The following ZSWIM4 variants were observed in gnomAD, a reference collection of about 807,000 sequenced individuals.
ZSWIM4 encodes zinc finger SWIM-type containing 4.
ZSWIM4 carries 62 observed loss-of-function variants against 102.5 expected under a neutral mutation model. The ratio of observed to expected loss-of-function variants is 0.60; its 90% confidence interval spans 0.49 to 0.75. ZSWIM4 has a LOEUF of 0.75. ZSWIM4 is among the 30% of genes least tolerant of loss of function. The probability of loss-of-function intolerance (pLI) is 0.00; values close to 1 mark genes in which losing one functional copy is unlikely to be tolerated. For synonymous variants in ZSWIM4, 652 were observed against 674.5 expected, an observed-to-expected ratio of 0.97 and a Z score of 0.52; for missense variants, 1,280 against 1,529.6, an observed-to-expected ratio of 0.84 and a Z score of 2.72.
At chr19:13,811,705 A>C (rs112355758) in intron 5 of ZSWIM4, among the ~76,000 whole-genome samples, 2,792 of 152,158 alleles carry the variant, frequency 0.018, 86 homozygotes, top group African/African-American at 0.064. Flanking sequence ...ATAGATACTT[A>C]CTAATTTATT....
chr19:13,803,735 G>A (rs1160078891), intron 2 of ZSWIM4, among the ~76,000 whole-genome samples: 1 of 147,828 alleles, frequency 6.8e-6, no homozygotes, highest in Non-Finnish European at 1.5e-5. Flanking sequence ...AACCCAGGAG[G>A]CGGAGGTTGC....
chr19:13,817,962 G>A lies in ZSWIM4; in HGVS notation c.1910G>A (p.Gly637Glu). The A allele has an allele frequency of 6.6e-7, 1 of 1,513,374 alleles. No individual in the cohort carries two copies. Among genetic ancestry groups the A allele is most frequent in the Non-Finnish European group, 8.9e-7 (1 of 1,126,890 alleles). The allele number at this position is 1,513,374 out of a possible 1,614,324, so 93.7% of individuals were successfully genotyped here. The change falls in exon 9 of 14, where the codon GGG becomes GAG. Residue 637 changes from glycine to glutamate, a missense_variant. By Grantham distance (98) the Gly-to-Glu change is moderately conservative. Transcript: ENST00000590508. ...GTGCAGGTGCTGCGCAAGCAGGCGG[G>A]GCTGCTGCTGGAAGGTGAGGCCGCG... ...RLVQVLRKQA[G>E]LLLEGGPFSG...
intron 9 of ZSWIM4, among the ~76,000 whole-genome samples, chr19:13,818,995 T>C (rs1975384993): frequency 6.6e-6 from 1 of 152,046 alleles, no homozygotes; most frequent in Non-Finnish European, 1.5e-5. Flanking sequence ...CCCGAGTAGC[T>C]GGGACTACTT....
At position 13,809,561 on chromosome 19, in the gene ZSWIM4, C is replaced by T. The variant is rs535805019; in HGVS notation, c.1012+341C>T. Among the ~76,000 whole-genome samples the T allele has an allele frequency of 6.6e-6, 1 of 152,262 alleles. No individual in the cohort carries two copies. The highest frequency in any genetic ancestry group is 1.9e-4 in the East Asian group (1 of 5,184). The stretch of plus-strand genomic sequence containing the variant: ...GCAGTGGCACAATCTCGGCTGACTG[C>T]AACCTCTGCCTCCCGGACTCAAGTG... On this transcript the variant is annotated intron_variant, in intron 5 of 13. Transcript: ENST00000590508. The surrounding 1 kb of genome is among the most constrained non-coding windows in gnomAD (Gnocchi z 4.2).
Position 13,817,422 on chromosome 19 carries a change from G to A in ZSWIM4, c.1669+69G>A, listed in dbSNP as rs1975323142. On this transcript the variant is annotated intron_variant, in intron 8 of 13. Coordinates refer to ENST00000590508, the MANE Select transcript of ZSWIM4 (RefSeq NM_001367834.3). Reference sequence around the variant, plus strand: ...CTCGTTGGCCACGCCCCCTGGCCCAGTACCCCTATAAGGTAACTCCCAGAC... The same window carrying A: ...CTCGTTGGCCACGCCCCCTGGCCCAATACCCCTATAAGGTAACTCCCAGAC... 5.1e-6 allele frequency: 8 copies of A among 1,558,386 alleles called. No homozygotes were observed. In the South Asian group the frequency reaches 9.6e-5, roughly 19 times the overall value.
intron 3 of ZSWIM4, among the ~76,000 whole-genome samples, chr19:13,807,709 GGATGGATGCATGGATGGATGGACA>G (rs1194311271): frequency 6.6e-6 from 1 of 150,562 alleles, no homozygotes; most frequent in Non-Finnish European, 1.5e-5. Context: ...TGGACAAGAT[GGATGGATGCATGGATGGATGGACA>G]GATGGATGCA....
At chr19:13,818,066 C>G in intron 9 of ZSWIM4, 90 bp downstream of exon 9, 1 of 1,421,254 alleles carries the variant, frequency 7.0e-7, no homozygotes, top group Non-Finnish European at 9.2e-7. Context: ...AGATGGGAGG[C>G]CCCGCCCCAG....
In ZSWIM4 at chr19:13,799,743, G is replaced by A. The variant is rs1433943383; in HGVS notation, c.177G>A (p.Val59=). The A allele has an allele frequency of 6.2e-7, 1 of 1,614,018 alleles. No individual in the cohort carries two copies. The highest frequency in any genetic ancestry group is 1.7e-5 in the Admixed American group (1 of 60,016). Residue 59 remains valine, a synonymous_variant, in exon 2 of 14, where the codon GTG becomes GTA. Transcript: ENST00000590508. The part of the protein sequence containing the change: ...FEQVEERFSR[V]PEPVQKRIVF... ...AGGTGGAGGAGCGGTTCTCCCGGGT[G>A]CCTGAGCCCGTCCAGAAGCGCATCG...
At chr19:13,800,302 T>A (rs1437806357) in intron 2 of ZSWIM4, among the ~76,000 whole-genome samples, 1 of 127,478 alleles carries the variant, frequency 7.8e-6, no homozygotes, top group Non-Finnish European at 1.6e-5. Context: ...GTCTCGCTTT[T>A]TCGCCCAGGC....
At position 13,814,045 on chromosome 19, in the gene ZSWIM4, A is replaced by T. The variant is rs1975191073; in HGVS notation, c.1181-470A>T. 4.6e-5 allele frequency among the ~76,000 whole-genome samples: 7 copies of T among 151,280 alleles called. No individual in the cohort carries two copies. In the Admixed American group the frequency reaches 4.6e-4, roughly 10 times the overall value. Reference sequence around the variant, plus strand: ...TGTGATGGGCCTGTACTAGCTCCTAACACATACACGCATCCTTTTTTTTTT... The same window carrying T: ...TGTGATGGGCCTGTACTAGCTCCTATCACATACACGCATCCTTTTTTTTTT... On this transcript the variant is annotated intron_variant, in intron 6 of 13. Coordinates refer to ENST00000590508, the MANE Select transcript of ZSWIM4 (RefSeq NM_001367834.3).
At chr19:13,805,520 G>T (rs572262660) in intron 3 of ZSWIM4, among the ~76,000 whole-genome samples, 10 of 152,066 alleles carry the variant, frequency 6.6e-5, no homozygotes, top group Admixed American at 1.3e-4. Flanking sequence ...GGGTGTCAGA[G>T]GTGTTATGGG....
At chr19:13,800,012 G>T in intron 2 of ZSWIM4, 91 bp downstream of exon 2, 4 of 1,324,356 alleles carry the variant, frequency 3.0e-6, no homozygotes, top group South Asian at 2.6e-5. Context: ...CTGGGGCCAG[G>T]GGATGGGAGG....
intron 1 of ZSWIM4, among the ~76,000 whole-genome samples, chr19:13,796,292 C>T (rs534799173): frequency 1.3e-5 from 2 of 152,074 alleles, no homozygotes; most frequent in South Asian, 2.1e-4. Context: ...ATCCTCTCTT[C>T]GGCCCCCCGC....
In ZSWIM4 at chr19:13,830,755, G is replaced by C. The variant is rs1377869543; in HGVS notation, c.3026G>C (p.Gly1009Ala). The change falls in exon 14 of 14, where the codon GGT (glycine) becomes GCT (alanine). Residue 1009 changes from glycine to alanine, a missense_variant. Coordinates refer to ENST00000590508, the MANE Select transcript of ZSWIM4 (RefSeq NM_001367834.3). The part of the protein sequence containing the change: ...ILRRWTLSAP[G>A]LGPLGARRAA... Reference sequence around the variant, plus strand: ...CGCCGCTGGACTCTCTCGGCGCCCGGTCTGGGCCCCTTAGGGGCACGCCGG... The same window carrying C: ...CGCCGCTGGACTCTCTCGGCGCCCGCTCTGGGCCCCTTAGGGGCACGCCGG... 3 of 1,607,522 alleles carry C rather than the reference G, an allele frequency of 1.9e-6. No homozygotes were observed. The highest frequency in any genetic ancestry group is 1.3e-5 in the African/African-American group (1 of 74,758).
In ZSWIM4 at chr19:13,809,340, A is replaced by G; in HGVS notation, c.1012+120A>G. 7.4e-7 allele frequency: 1 copy of G among 1,353,268 alleles called. No homozygotes were observed. The highest frequency in any genetic ancestry group is 2.5e-5 in the East Asian group (1 of 39,790). 83.8% of individuals were successfully genotyped at this position (1,353,268 alleles called of 1,614,324 possible). A position where few individuals can be genotyped will look rare whatever the true frequency, so the allele number is the denominator to read the frequency against. On this transcript the variant is annotated intron_variant, in intron 5 of 13. Transcript: ENST00000590508. This position sits in a 1 kb window ranked among gnomAD's most constrained non-coding sequence, Gnocchi z 4.2. ...CCCTCCATTCGTTTGGCAAACATTTATGAGCGCCTCTAAAGTGCCAGGCAT... is the reference window on the plus strand; with the variant it reads ...CCCTCCATTCGTTTGGCAAACATTTGTGAGCGCCTCTAAAGTGCCAGGCAT...
chr19:13,795,659 C>T lies in ZSWIM4; in HGVS notation c.11C>T (p.Pro4Leu). ...CCCCGGCCGGGCCGGATGGAACCCC[C>T]CGCGGCCAAGCGGAGCCGGGGCTGC... is the stretch of plus-strand genomic sequence containing the variant. MEP[P>L]AAKRSRGCPA... Residue 4 changes from proline (P) to leucine (L), a missense_variant, in exon 1 of 14, where the codon CCC becomes CTC. Pro to Leu is a moderately conservative substitution (Grantham distance 98). Transcript: ENST00000590508. 1.2e-6 allele frequency: 1 copy of T among 830,316 alleles called. No individual in the cohort carries two copies. The highest frequency in any genetic ancestry group is 1.6e-6 in the Non-Finnish European group (1 of 639,516). The allele number at this position is 830,316 out of a possible 1,614,324, so 51.4% of individuals were successfully genotyped here. A position where few individuals can be genotyped will look rare whatever the true frequency, so the allele number is the denominator to read the frequency against.
intron 9 of ZSWIM4, 107 bp from the exon 10 acceptor site, chr19:13,819,250 A>C (rs1016409808): frequency 1.3e-6 from 2 of 1,486,248 alleles, no homozygotes; most frequent in Admixed American, 2.1e-5. Flanking sequence ...CAGCCACTCT[A>C]CCCAGGGGCC....
chr19:13,796,515 C>T (rs1311805370), intron 1 of ZSWIM4: 1 of 152,496 alleles, frequency 6.6e-6, no homozygotes, highest in Non-Finnish European at 1.5e-5. Flanking sequence ...CCTCCAGATT[C>T]CTCTTTCGGG....
At chr19:13,814,060 C>CTTTTTT (rs869279797) in intron 6 of ZSWIM4, among the ~76,000 whole-genome samples, 61 of 138,162 alleles carry the variant, frequency 4.4e-4, no homozygotes, top group African/African-American at 1.5e-3. Context: ...TACACGCATC[C>CTTTTTT]TTTTTTTTTT....
Sources: gnomAD v4.1 joint callset for allele counts (sites outside exome capture counted in the v4.1 genomes callset) on GRCh38, gnomAD v4.1.1 for gene constraint, Gnocchi (gnomAD v3.1) non-coding constraint, MANE v1.5 for transcripts, NCBI Gene and HGNC (gene_info 2026-07-23, HGNC 2026-07-21) for gene names.